TBL1XR1: variants seen among roughly 807,000 people sequenced by gnomAD.
The protein encoded by TBL1XR1 is F-box-like/WD repeat-containing protein TBL1XR1.
Under a neutral mutation model 66.9 loss-of-function variants are expected in TBL1XR1, and 5 were observed. The ratio of observed to expected loss-of-function variants is 0.07; its 90% confidence interval spans 0.04 to 0.16. The LOEUF is 0.16. Ranked by LOEUF, TBL1XR1 falls within the 10% of genes least tolerant of loss-of-function variation. The probability of loss-of-function intolerance (pLI) is 1.00; values close to 1 mark genes in which losing one functional copy is unlikely to be tolerated. For missense variants in TBL1XR1, 238 were observed against 623.2 expected (o/e 0.38, Z 6.58); for synonymous variants, 210 against 206.0 (o/e 1.02, Z -0.17).
intron 1 of TBL1XR1, among the ~76,000 whole-genome samples, chr3:177,153,004 G>A (rs1005152418): frequency 6.6e-6 from 1 of 152,150 alleles, no homozygotes; most frequent in East Asian, 1.9e-4. Flanking sequence ...AGCTGGGCGT[G>A]GTGGCGTGCA....
chr3:177,061,378 A>G (rs1441073898), intron 3 of TBL1XR1, among the ~76,000 whole-genome samples: 2 of 152,252 alleles, frequency 1.3e-5, no homozygotes, highest in Non-Finnish European at 2.9e-5. Flanking sequence ...CTGCAGATAG[A>G]TAACACAGTC....
At chr3:177,185,077 T>C (rs1004311181) in intron 1 of TBL1XR1, among the ~76,000 whole-genome samples, 6 of 150,964 alleles carry the variant, frequency 4.0e-5, no homozygotes, top group Non-Finnish European at 8.8e-5. Context: ...GATTTTTCAA[T>C]TTTTTTTTCA....
intron 2 of TBL1XR1, among the ~76,000 whole-genome samples, chr3:177,069,998 AG>A (rs1456823614): frequency 6.6e-6 from 1 of 152,218 alleles, no homozygotes; most frequent in African/African-American, 2.4e-5. Flanking sequence ...TATAGCCCAC[AG>A]GTAAGAATGG....
chr3:177,090,774 G>A (rs1225891323), intron 2 of TBL1XR1, among the ~76,000 whole-genome samples: 1 of 152,086 alleles, frequency 6.6e-6, no homozygotes, highest in African/African-American at 2.4e-5. Context: ...TCACGCCACT[G>A]CACTCCAGCT....
chr3:177,131,139 G>GGTTT (rs1174284257), intron 1 of TBL1XR1, among the ~76,000 whole-genome samples: 2 of 152,178 alleles, frequency 1.3e-5, no homozygotes, highest in Non-Finnish European at 2.9e-5. Context: ...ACAGAAACTA[G>GGTTT]GTTTCAGAGA....
intron 1 of TBL1XR1, among the ~76,000 whole-genome samples, chr3:177,133,299 A>C (rs1728518561): frequency 1.3e-5 from 2 of 152,160 alleles, no homozygotes; most frequent in African/African-American, 2.4e-5. Context: ...AAAAATAAAA[A>C]ATAAATAAAT....
chr3:177,060,153 A>T (rs1479279475), intron 3 of TBL1XR1, among the ~76,000 whole-genome samples: 4 of 151,800 alleles, frequency 2.6e-5, no homozygotes, highest in Admixed American at 2.0e-4. Context: ...GTGGGTCTTT[A>T]CTTTGTGATT....
intron 1 of TBL1XR1, among the ~76,000 whole-genome samples, chr3:177,116,312 T>C (rs754048491): frequency 1.1e-4 from 17 of 152,138 alleles, no homozygotes; most frequent in Non-Finnish European, 1.6e-4. Flanking sequence ...ATGGCGCCAC[T>C]TTCACCCAAC....
At chr3:177,117,696 A>T (rs1726468302) in intron 1 of TBL1XR1, among the ~76,000 whole-genome samples, 1 of 152,186 alleles carries the variant, frequency 6.6e-6, no homozygotes, top group Admixed American at 6.5e-5. Context: ...TTCAAATTCC[A>T]CTAGTACAGT....
At chr3:177,157,809 G>C (rs1049097366) in intron 1 of TBL1XR1, among the ~76,000 whole-genome samples, 1 of 152,128 alleles carries the variant, frequency 6.6e-6, no homozygotes, top group African/African-American at 2.4e-5. Context: ...CTGCAATTGG[G>C]AACAAGGGAA....
intron 1 of TBL1XR1, among the ~76,000 whole-genome samples, chr3:177,176,049 ACT>A (rs971234379): frequency 2.7e-5 from 4 of 149,722 alleles, no homozygotes; most frequent in Non-Finnish European, 4.4e-5. Context: ...ACAGAGCGAG[ACT>A]CTGTCTCTAA....
At chr3:177,054,937 A>C (rs1368772677) in intron 3 of TBL1XR1, among the ~76,000 whole-genome samples, 2 of 152,282 alleles carry the variant, frequency 1.3e-5, no homozygotes, top group East Asian at 3.9e-4. Context: ...AAATTCTAAG[A>C]AGCTGATAAA....
At chr3:177,162,701 ATACATC>A (rs754648997) in intron 1 of TBL1XR1, among the ~76,000 whole-genome samples, 2 of 152,244 alleles carry the variant, frequency 1.3e-5, no homozygotes, top group Admixed American at 1.3e-4. Flanking sequence ...TTACTGAGTT[ATACATC>A]TACAAGTGTA....
chr3:177,148,233 A>G (rs2108842874), intron 1 of TBL1XR1, among the ~76,000 whole-genome samples: 1 of 152,338 alleles, frequency 6.6e-6, no homozygotes, highest in East Asian at 1.9e-4. Flanking sequence ...TTTAAGTACA[A>G]AAGGAGGTAT....
intron 1 of TBL1XR1, among the ~76,000 whole-genome samples, chr3:177,187,328 G>A (rs1487588277): frequency 6.6e-6 from 1 of 150,592 alleles, no homozygotes; most frequent in Non-Finnish European, 1.5e-5. Context: ...CCGGGAGGCA[G>A]AGGTTGCAGT....
Position 177,051,515 on chromosome 3 carries a change from T to A in TBL1XR1, c.416A>T (p.His139Leu). The change falls in exon 5 of 16, where the codon CAT (histidine) becomes CTT (leucine). Residue 139 changes from histidine to leucine, a missense_variant. Physicochemically the swap from His to Leu is moderately conservative, Grantham distance 99 (BLOSUM62 -3). Transcript: ENST00000457928. The stretch of plus-strand genomic sequence containing the variant: ...TTGTCTGAGCTCACTTGCTATAGTA[T>A]GTGCTCCATTCTCCTCCCCATTTGC... ...NTANGEENGAHTIANNHTDMM... is the reference protein window; with the variant it reads ...NTANGEENGALTIANNHTDMM... The A allele has an allele frequency of 6.2e-7, 1 of 1,611,450 alleles. No homozygotes were observed. The highest frequency in any genetic ancestry group is 1.1e-5 in the South Asian group (1 of 90,788).
chr3:177,037,902 C>T (rs147441833), intron 12 of TBL1XR1, 196 bp downstream of exon 12: 379 of 528,296 alleles, frequency 7.2e-4, no homozygotes, highest in Non-Finnish European at 1.1e-3. Context: ...TAATTTGCTA[C>T]ATTCAAATAG....
chr3:177,054,315 T>C (rs1251861342), intron 3 of TBL1XR1, among the ~76,000 whole-genome samples: 1 of 152,176 alleles, frequency 6.6e-6, no homozygotes, highest in Non-Finnish European at 1.5e-5. Flanking sequence ...GGACATTTAA[T>C]ATTTCTGTAT....
chr3:177,134,079 T>C (rs1205656201), intron 1 of TBL1XR1, among the ~76,000 whole-genome samples: 1 of 152,088 alleles, frequency 6.6e-6, no homozygotes, highest in Non-Finnish European at 1.5e-5. Context: ...GTCTCCTAGA[T>C]ACGTGAATGT....
Sources: allele counts gnomAD v4.1 joint callset (sites outside exome capture counted in the v4.1 genomes callset), GRCh38; gene constraint gnomAD v4.1.1; transcripts MANE v1.5; gene names NCBI Gene and HGNC (gene_info 2026-07-23, HGNC 2026-07-21).